LSAMP: variants seen among roughly 807,000 people sequenced by gnomAD.
LSAMP encodes limbic system-associated membrane protein.
A neutral mutation model predicts 38.6 loss-of-function variants in LSAMP; 7 were observed. The ratio of observed to expected loss-of-function variants is 0.18; its 90% CI spans 0.10 to 0.34. The LOEUF (loss-of-function observed/expected upper bound fraction) is 0.34, where lower values mean the gene tolerates loss of function less well. Among genes scored for constraint, LSAMP ranks in the 10% least tolerant of loss-of-function variants. LSAMP has a pLI of 1.00. For synonymous variants in LSAMP, 154 were observed against 166.8 expected (o/e 0.92, Z 0.59); for missense variants, 313 against 420.0 (o/e 0.75, Z 2.23).
intron 1 of LSAMP, among the ~76,000 whole-genome samples, chr3:116,357,915 TA>T (rs796503219): frequency 3.3e-3 from 428 of 131,524 alleles, no homozygotes; most frequent in Middle Eastern, 3.8e-3. Context: ...AACACAGAAT[TA>T]AAAAAAAAAA....
intron 1 of LSAMP, 141 bp from the exon 2 acceptor site, chr3:116,086,697 C>CTTAGAATT (rs1378025794): frequency 1.5e-6 from 1 of 674,390 alleles, no homozygotes; most frequent in Non-Finnish European, 2.6e-6. Context: ...TCTTGGAGTC[C>CTTAGAATT]TTAGAATTTT....
chr3:116,291,968 C>T (rs2047272550), intron 1 of LSAMP, among the ~76,000 whole-genome samples: 2 of 152,152 alleles, frequency 1.3e-5, no homozygotes, highest in African/African-American at 4.8e-5. Flanking sequence ...TTATTCTCTT[C>T]TTCATTACTA....
chr3:115,987,827 T>C (rs1017453519), intron 3 of LSAMP, among the ~76,000 whole-genome samples: 1 of 152,148 alleles, frequency 6.6e-6, no homozygotes, highest in Non-Finnish European at 1.5e-5. Context: ...AATTCTTGAA[T>C]ATAAGATTTG....
intron 1 of LSAMP, among the ~76,000 whole-genome samples, chr3:116,224,793 G>A (rs2046324811): frequency 6.6e-6 from 1 of 152,298 alleles, no homozygotes; most frequent in East Asian, 1.9e-4. Flanking sequence ...CACTTGTGAG[G>A]TCATGTTACT....
chr3:116,036,220 A>G (rs892166014), intron 2 of LSAMP, among the ~76,000 whole-genome samples: 2 of 152,212 alleles, frequency 1.3e-5, no homozygotes, highest in African/African-American at 4.8e-5. Flanking sequence ...GAAACTTGAT[A>G]TGATGTCCTC....
At chr3:116,174,815 T>TC (rs1710296396) in intron 1 of LSAMP, among the ~76,000 whole-genome samples, 2 of 152,068 alleles carry the variant, frequency 1.3e-5, no homozygotes, top group Non-Finnish European at 2.9e-5. Flanking sequence ...TCCATCAATT[T>TC]CCCTTCAAAA....
At chr3:115,893,336 T>C (rs1429389052) in intron 3 of LSAMP, among the ~76,000 whole-genome samples, 1 of 152,028 alleles carries the variant, frequency 6.6e-6, no homozygotes, top group Non-Finnish European at 1.5e-5. Flanking sequence ...GGCTTGCTAC[T>C]AGAATGAGAA....
intron 1 of LSAMP, among the ~76,000 whole-genome samples, chr3:116,163,537 C>G (rs562087659): frequency 7.9e-5 from 12 of 151,718 alleles, no homozygotes; most frequent in African/African-American, 2.7e-4. Flanking sequence ...AATAAACATA[C>G]GTGTGCATGT....
At chr3:115,875,992 T>C (rs1438634023) in intron 3 of LSAMP, among the ~76,000 whole-genome samples, 3 of 152,028 alleles carry the variant, frequency 2.0e-5, no homozygotes, top group Non-Finnish European at 4.4e-5. Flanking sequence ...AAACAGGTAA[T>C]TGATTTTTTT....
intron 1 of LSAMP, among the ~76,000 whole-genome samples, chr3:116,245,833 G>T (rs1218330098): frequency 6.6e-6 from 1 of 152,056 alleles, no homozygotes; most frequent in Non-Finnish European, 1.5e-5. Context: ...AAGAAAAATG[G>T]GATGTACTTC....
chr3:115,995,067 A>G (rs1479802882), intron 3 of LSAMP, among the ~76,000 whole-genome samples: 2 of 152,130 alleles, frequency 1.3e-5, no homozygotes, highest in Non-Finnish European at 1.5e-5. Flanking sequence ...TGTACCAACC[A>G]TCTTTAAATC....
chr3:116,187,187 G>A (rs1328417886), intron 1 of LSAMP, among the ~76,000 whole-genome samples: 2 of 152,104 alleles, frequency 1.3e-5, no homozygotes, highest in African/African-American at 4.8e-5. Flanking sequence ...TGGTGTAGGT[G>A]ATGCCACATT....
At chr3:115,887,780 A>T (rs1936493018) in intron 3 of LSAMP, among the ~76,000 whole-genome samples, 1 of 151,886 alleles carries the variant, frequency 6.6e-6, no homozygotes, top group African/African-American at 2.4e-5. Flanking sequence ...AATAGGTAGA[A>T]ATTTAGAGCA....
At chr3:116,026,316 C>T (rs571565132) in intron 2 of LSAMP, among the ~76,000 whole-genome samples, 11 of 152,276 alleles carry the variant, frequency 7.2e-5, no homozygotes, top group East Asian at 1.9e-4. Context: ...CTGACTCTTA[C>T]GGACCCAGAG....
chr3:116,142,935 G>A (rs1229008108), intron 1 of LSAMP, among the ~76,000 whole-genome samples: 1 of 151,380 alleles, frequency 6.6e-6, no homozygotes, highest in Non-Finnish European at 1.5e-5. Flanking sequence ...TTCAGGATAG[G>A]GTTCACCTGA....
chr3:115,982,126 A>G (rs1034872496), intron 3 of LSAMP, among the ~76,000 whole-genome samples: 1 of 152,236 alleles, frequency 6.6e-6, no homozygotes, highest in Admixed American at 6.5e-5. Context: ...ATCACTATCA[A>G]TTCATTCTAC....
chr3:116,173,916 C>T (rs775272204), intron 1 of LSAMP, among the ~76,000 whole-genome samples: 6 of 151,644 alleles, frequency 4.0e-5, no homozygotes, highest in African/African-American at 1.2e-4. Context: ...ATTTCCTATC[C>T]CTTTTGAAAA....
chr3:116,268,215 A>AATG (rs1048605571), intron 1 of LSAMP, among the ~76,000 whole-genome samples: 2 of 151,534 alleles, frequency 1.3e-5, no homozygotes, highest in Non-Finnish European at 2.9e-5. Context: ...TAAAAAAAAA[A>AATG]TGTGTGTGTG....
At chr3:115,873,067 TGGAATCA>T (rs1936089189) in intron 3 of LSAMP, among the ~76,000 whole-genome samples, 1 of 151,976 alleles carries the variant, frequency 6.6e-6, no homozygotes, top group African/African-American at 2.4e-5. Context: ...TACAAATTAG[TGGAATCA>T]AGATTTAAAT....
Sources: allele counts gnomAD v4.1 joint callset (sites outside exome capture counted in the v4.1 genomes callset), GRCh38; gene constraint gnomAD v4.1.1; transcripts MANE v1.5; gene names NCBI Gene and HGNC (gene_info 2026-07-23, HGNC 2026-07-21).